ROBO2: variants seen among roughly 807,000 people sequenced by gnomAD.
ROBO2 encodes roundabout homolog 2.
A neutral mutation model predicts 160.8 loss-of-function variants in ROBO2; 53 were observed. The observed-to-expected ratio is 0.33, with a 90% CI of 0.26 to 0.41. ROBO2 has a LOEUF of 0.41. Ranked by LOEUF, ROBO2 falls within the 10% of genes least tolerant of loss-of-function variation. ROBO2 has a pLI of 1.00. For missense variants in ROBO2, 1,577 were observed against 1,722.4 expected (o/e 0.92, Z 1.49); for synonymous variants, 664 against 611.7 (o/e 1.09, Z -1.26).
intron 13 of ROBO2, among the ~76,000 whole-genome samples, chr3:77,570,542 T>G (rs1470942381): frequency 6.6e-6 from 1 of 151,980 alleles, no homozygotes; most frequent in Non-Finnish European, 1.5e-5. Context: ...CATTTTACAC[T>G]TTTTTTAATA....
At chr3:76,546,912 CAA>C (rs1265159381) in intron 2 of ROBO2, among the ~76,000 whole-genome samples, 1 of 151,886 alleles carries the variant, frequency 6.6e-6, no homozygotes, top group Non-Finnish European at 1.5e-5. Flanking sequence ...GTTTCAACCT[CAA>C]GAGCTTGTCC....
In ROBO2 at chr3:77,335,270, G is replaced by A. The variant is rs146368931; in HGVS notation, c.389-142144G>A. ...AAAAATACAGAAATTAGCCGGGCAC[G>A]CTGATGCATACTTGTAATCCCAGCT... On this transcript the variant is annotated intron_variant, in intron 2 of 25. Coordinates refer to ENST00000461745, the Ensembl canonical transcript of ROBO2. Among the ~76,000 whole-genome samples the A allele has an allele frequency of 6.8e-4, 104 of 152,234 alleles. No homozygotes were observed. The East Asian group carries it at 0.019, about 28-fold the overall frequency.
intron 19 of ROBO2, 71 bp downstream of exon 20, chr3:77,596,821 T>C: frequency 6.4e-7 from 1 of 1,572,782 alleles, no homozygotes; most frequent in Non-Finnish European, 8.7e-7. Flanking sequence ...CCTTCCTGGA[T>C]TTTTTTAAAG....
chr3:76,333,585 T>C (rs2073653937), intron 2 of ROBO2, among the ~76,000 whole-genome samples: 1 of 152,168 alleles, frequency 6.6e-6, no homozygotes, highest in Admixed American at 6.5e-5. Flanking sequence ...TAAAGAGTTG[T>C]TTATAAAAAG....
At chr3:77,478,253 T>C (rs966737791) in intron 3 of ROBO2, among the ~76,000 whole-genome samples, 2 of 152,230 alleles carry the variant, frequency 1.3e-5, no homozygotes, top group Admixed American at 1.3e-4. Context: ...TCAAAAATTA[T>C]AAGAGAAATT....
intron 2 of ROBO2, among the ~76,000 whole-genome samples, chr3:76,640,884 T>A (rs72886499): frequency 6.6e-6 from 1 of 151,848 alleles, no homozygotes; most frequent in Admixed American, 6.5e-5. Flanking sequence ...CCTGAGGGAG[T>A]GCACAGTGGC....
chr3:76,979,593 G>GT (rs1553714266), intron 2 of ROBO2, among the ~76,000 whole-genome samples: 1 of 147,736 alleles, frequency 6.8e-6, no homozygotes, highest in African/African-American at 2.5e-5. Context: ...GTGTGTGTGT[G>GT]GTGTGTGTGT....
rs532402664 is a variant in ROBO2, at chr3:77,454,373, G to A, written c.389-23041G>A. On this transcript the variant is annotated intron_variant, in intron 2 of 25. Transcript: ENST00000461745. ...TCAATTTCTACACATTTCCACTGTCGTAGTCATATAGGTCATGCCCTTATG... is the reference window on the plus strand; with the variant it reads ...TCAATTTCTACACATTTCCACTGTCATAGTCATATAGGTCATGCCCTTATG... Among the ~76,000 whole-genome samples the A allele has an allele frequency of 4.0e-4, 61 of 152,140 alleles. 1 individual carries two copies. Among genetic ancestry groups the A allele is most frequent in the Non-Finnish European group, 4.6e-4 (31 of 68,002 alleles).
chr3:76,754,124 G>T (rs1444362772), intron 2 of ROBO2, among the ~76,000 whole-genome samples: 1 of 151,864 alleles, frequency 6.6e-6, no homozygotes, highest in Non-Finnish European at 1.5e-5. Context: ...GCAGGAAGGA[G>T]AAAGAAAATA....
chr3:76,901,055 T>A (rs2075186764), intron 2 of ROBO2, among the ~76,000 whole-genome samples: 1 of 152,128 alleles, frequency 6.6e-6, no homozygotes, highest in African/African-American at 2.4e-5. Context: ...ACCTCTCACT[T>A]AATGAGACCC....
chr3:76,308,313 G>A (rs570121764), intron 2 of ROBO2, among the ~76,000 whole-genome samples: 4 of 137,058 alleles, frequency 2.9e-5, no homozygotes, highest in African/African-American at 1.1e-4. Flanking sequence ...GGAAGCGGAG[G>A]TTGCAATAAG....
intron 9 of ROBO2, among the ~76,000 whole-genome samples, chr3:77,561,459 C>T (rs1455735992): frequency 1.3e-5 from 2 of 152,222 alleles, no homozygotes; most frequent in East Asian, 3.9e-4. Flanking sequence ...TTGGAGTTGC[C>T]TCTTTTATTG....
chr3:77,500,980 G>T (rs1200701162), intron 5 of ROBO2, among the ~76,000 whole-genome samples: 3 of 152,206 alleles, frequency 2.0e-5, no homozygotes, highest in Non-Finnish European at 2.9e-5. Flanking sequence ...GACAGCTCTT[G>T]TGTGTGTGGG....
At chr3:76,726,972 C>G (rs1350251287) in intron 2 of ROBO2, among the ~76,000 whole-genome samples, 3 of 152,148 alleles carry the variant, frequency 2.0e-5, no homozygotes, top group Admixed American at 1.3e-4. Context: ...TTATGACTGA[C>G]ACACGTAAAA....
intron 2 of ROBO2, among the ~76,000 whole-genome samples, chr3:77,349,428 A>G (rs1018679298): frequency 1.3e-5 from 2 of 152,174 alleles, no homozygotes; most frequent in African/African-American, 4.8e-5. Flanking sequence ...GAGCTACAGT[A>G]CAGCATCCCT....
chr3:77,184,607 G>A lies in ROBO2; in HGVS notation c.388+86267G>A, dbSNP rs917176313. ...TTGCACATCAGGGAGATAGAAGAGA[G>A]AAAATTTCAGGATGGTGGGACAATG... On this transcript the variant is annotated intron_variant, in intron 2 of 25. Transcript: ENST00000461745. Among the ~76,000 whole-genome samples the A allele has an allele frequency of 4.0e-5, 6 of 151,894 alleles. No homozygotes were observed. In the Admixed American group the frequency reaches 4.0e-4, roughly 10 times the overall value.
intron 2 of ROBO2, among the ~76,000 whole-genome samples, chr3:77,440,021 G>C (rs1430216067): frequency 3.3e-5 from 5 of 152,156 alleles, no homozygotes; most frequent in African/African-American, 7.2e-5. Context: ...GTAATATGTA[G>C]TTTTAAATAC....
intron 1 of ROBO2, among the ~76,000 whole-genome samples, chr3:77,059,311 A>G (rs1398293289): frequency 6.6e-6 from 1 of 152,140 alleles, no homozygotes; most frequent in Non-Finnish European, 1.5e-5. Context: ...TGAAAGGTGG[A>G]AGAAGGCTGG....
chr3:77,607,733 C>T (rs2094552617), intron 20 of ROBO2, 65 bp from the exon 22 acceptor site: 2 of 1,404,048 alleles, frequency 1.4e-6, no homozygotes, highest in Non-Finnish European at 2.0e-6. Context: ...ATACACCTTG[C>T]CATCTGATGT....
Sources: gnomAD v4.1 joint callset for allele counts (sites outside exome capture counted in the v4.1 genomes callset) on GRCh38, gnomAD v4.1.1 for gene constraint, MANE v1.5 for transcripts, NCBI Gene and HGNC (gene_info 2026-07-23, HGNC 2026-07-21) for gene names.